CACNA1C: variants seen among roughly 807,000 people sequenced by gnomAD.
CACNA1C encodes calcium voltage-gated channel subunit alpha1 C, also known as voltage-dependent L-type calcium channel subunit alpha-1C.
Under a neutral mutation model 229.0 loss-of-function variants are expected in CACNA1C, and 30 were observed. The ratio of observed to expected loss-of-function variants is 0.13; its 90% CI spans 0.10 to 0.18. The LOEUF (loss-of-function observed/expected upper bound fraction) is 0.18. CACNA1C is among the 10% of genes least tolerant of loss of function. The pLI is 1.00. For synonymous variants in CACNA1C, 1,114 were observed against 1,132.5 expected, an observed-to-expected ratio of 0.98 and a Z score of 0.33; for missense variants, 1,658 against 2,845.0, an observed-to-expected ratio of 0.58 and a Z score of 9.49.
intron 3 of CACNA1C, among the ~76,000 whole-genome samples, chr12:2,281,407 C>T (rs563623118): frequency 6.6e-6 from 1 of 152,304 alleles, no homozygotes; most frequent in Admixed American, 6.5e-5. Context: ...ACTTCTATCT[C>T]ATATTATTTT....
chr12:2,440,448 G>A (rs577747057), intron 3 of CACNA1C, among the ~76,000 whole-genome samples: 20 of 152,328 alleles, frequency 1.3e-4, no homozygotes, highest in Admixed American at 6.5e-4. Flanking sequence ...TGTAGCATGT[G>A]TGGGAATGTG....
intron 3 of CACNA1C, among the ~76,000 whole-genome samples, chr12:2,259,680 G>A (rs995791729): frequency 6.6e-5 from 10 of 152,214 alleles, no homozygotes; most frequent in African/African-American, 2.4e-4. Context: ...GTAATGCAGA[G>A]CAGGAGCTAT....
chr12:1,998,083 A>G, intron 1 of CACNA1C: 2 of 865,146 alleles, frequency 2.3e-6, no homozygotes, highest in East Asian at 5.6e-5. Flanking sequence ...CAATGGGCCA[A>G]ATATACCCAA....
At chr12:2,422,832 G>A (rs897887506) in intron 3 of CACNA1C, among the ~76,000 whole-genome samples, 9 of 152,166 alleles carry the variant, frequency 5.9e-5, no homozygotes, top group South Asian at 2.1e-4. Context: ...GCAGCGGCCC[G>A]TGGGGCAAGT....
chr12:2,414,159 A>G (rs2098839475), intron 3 of CACNA1C, among the ~76,000 whole-genome samples: 1 of 152,170 alleles, frequency 6.6e-6, no homozygotes, highest in Non-Finnish European at 1.5e-5. Context: ...TATCTGTAAG[A>G]TGGGGATGAC....
intron 34 of CACNA1C, chr12:2,660,653 A>G (rs3794290): frequency 0.72 from 108,492 of 151,726 alleles, 39,928 homozygotes; most frequent in Admixed American, 0.81. Flanking sequence ...GTGAAACCCC[A>G]TCTCTACTAA....
At chr12:2,599,460 G>A (rs766302452) in intron 21 of CACNA1C, among the ~76,000 whole-genome samples, 6 of 152,328 alleles carry the variant, frequency 3.9e-5, no homozygotes, top group Non-Finnish European at 7.3e-5. Context: ...ACAAAGGACC[G>A]TCACATAGAA....
intron 3 of CACNA1C, among the ~76,000 whole-genome samples, chr12:2,248,923 T>A (rs1170379310): frequency 6.6e-6 from 1 of 152,202 alleles, no homozygotes; most frequent in East Asian, 1.9e-4. Context: ...AGAGCTGCTA[T>A]GAAGGTTGCA....
At chr12:2,082,833 C>T (rs1017598466) in intron 1 of CACNA1C, among the ~76,000 whole-genome samples, 14 of 152,218 alleles carry the variant, frequency 9.2e-5, no homozygotes, top group East Asian at 1.9e-4. Context: ...TTCAACAAAA[C>T]GCCTATCTCT....
chr12:2,618,679 C>T (rs2081891993), intron 29 of CACNA1C, among the ~76,000 whole-genome samples: 1 of 152,184 alleles, frequency 6.6e-6, no homozygotes, highest in African/African-American at 2.4e-5. Context: ...GGAGAGACTC[C>T]GATGTCCACA....
intron 3 of CACNA1C, among the ~76,000 whole-genome samples, chr12:2,303,987 G>A (rs1318199537): frequency 6.6e-6 from 1 of 152,256 alleles, no homozygotes; most frequent in Non-Finnish European, 1.5e-5. Flanking sequence ...GGTGGAGAGA[G>A]ATTGTGGAGG....
chr12:2,269,081 C>T (rs909465538), intron 3 of CACNA1C, among the ~76,000 whole-genome samples: 1 of 152,120 alleles, frequency 6.6e-6, no homozygotes, highest in African/African-American at 2.4e-5. Context: ...CAGGGAGTAG[C>T]GGGCACATGA....
chr12:2,159,963 G>A (rs2095763812), intron 3 of CACNA1C, among the ~76,000 whole-genome samples: 1 of 152,194 alleles, frequency 6.6e-6, no homozygotes, highest in African/African-American at 2.4e-5. Flanking sequence ...TTATTCCACA[G>A]ATTTTGTTTT....
At chr12:2,265,344 G>A (rs2081971541) in intron 3 of CACNA1C, among the ~76,000 whole-genome samples, 1 of 152,214 alleles carries the variant, frequency 6.6e-6, no homozygotes, top group Non-Finnish European at 1.5e-5. Flanking sequence ...CTGTTTCAGG[G>A]ACAAAACTTA....
chr12:2,634,011 G>A (rs2091774457), intron 29 of CACNA1C, among the ~76,000 whole-genome samples: 1 of 152,134 alleles, frequency 6.6e-6, no homozygotes, highest in Admixed American at 6.5e-5. Context: ...GGCTCCCCGG[G>A]GCGGCCACAG....
intron 1 of CACNA1C, among the ~76,000 whole-genome samples, chr12:2,112,046 G>A (rs778099944): frequency 6.6e-6 from 1 of 152,192 alleles, no homozygotes; most frequent in Non-Finnish European, 1.5e-5. Flanking sequence ...GCACATGTGT[G>A]CGTGCATGTG....
At chr12:2,572,356 C>CCTTT (rs2055331746) in intron 13 of CACNA1C, among the ~76,000 whole-genome samples, 1 of 56,166 alleles carries the variant, frequency 1.8e-5, no homozygotes, top group Non-Finnish European at 3.8e-5. Flanking sequence ...TCCTCCTCCT[C>CCTTT]TCCTCCTCCT....
intron 1 of CACNA1C, among the ~76,000 whole-genome samples, chr12:2,056,864 C>G (rs2055167583): frequency 1.3e-5 from 2 of 152,026 alleles, no homozygotes; most frequent in Non-Finnish European, 2.9e-5. Context: ...AGAATACACA[C>G]TAACAGTATT....
rs752125137 is a variant in CACNA1C at position 2,653,838 on chromosome 12, C to T, written c.4078C>T (p.Leu1360=). The change falls in exon 33 of 47, where the codon CTG becomes TTG. Residue 1360 remains leucine (L), a synonymous_variant. Transcript: ENST00000399655. The surrounding 1 kb of genome is among the most constrained non-coding windows in gnomAD (Gnocchi z 4.7). The stretch of plus-strand genomic sequence containing the variant: ...AGTCTCCTGCACTTCCTTCCAGGCC[C>T]TGCCCTATGTGGCCCTCCTGATCGT... ...LWTFIKSFQA[L]PYVALLIVML... The T allele has an allele frequency of 3.2e-5, 52 of 1,613,862 alleles. No individual in the cohort carries two copies. The highest frequency in any genetic ancestry group is 4.4e-5 in the Non-Finnish European group (52 of 1,179,822).
Sources: gnomAD v4.1 joint callset for allele counts (sites outside exome capture counted in the v4.1 genomes callset) on GRCh38, gnomAD v4.1.1 for gene constraint, Gnocchi (gnomAD v3.1) non-coding constraint, MANE v1.5 for transcripts, NCBI Gene and HGNC (gene_info 2026-07-23, HGNC 2026-07-21) for gene names.